CCDC178: variants seen among roughly 807,000 people sequenced by gnomAD.
CCDC178 encodes coiled-coil domain containing 178.
CCDC178 carries 126 observed loss-of-function variants against 117.4 expected under a neutral mutation model. That is an observed-to-expected ratio of 1.07 (90% CI 0.93 to 1.24). The LOEUF is 1.24. Among genes scored for constraint, CCDC178 ranks in the 50% most tolerant of loss-of-function variants. CCDC178 has a pLI of 0.00. For missense variants in CCDC178, 1,030 were observed against 986.9 expected (o/e 1.04, Z -0.59); for synonymous variants, 283 against 313.4 (o/e 0.90, Z 1.02).
At chr18:32,940,344 T>C (rs193108830) in intron 22 of CCDC178, among the ~76,000 whole-genome samples, 112 of 152,174 alleles carry the variant, frequency 7.4e-4, no homozygotes, top group African/African-American at 2.6e-3. Context: ...TATCAACTTT[T>C]CTTTTTTTGC....
intron 21 of CCDC178, among the ~76,000 whole-genome samples, chr18:32,981,159 C>T (rs2055147004): frequency 6.6e-6 from 1 of 152,046 alleles, no homozygotes; most frequent in Non-Finnish European, 1.5e-5. Flanking sequence ...TCTTAAGCAA[C>T]ATAGTTAGAC....
chr18:33,424,594 CAGAA>C (rs2064088725), intron 2 of CCDC178, among the ~76,000 whole-genome samples: 1 of 152,166 alleles, frequency 6.6e-6, no homozygotes, highest in Admixed American at 6.5e-5. Context: ...CTGGCACCCA[CAGAA>C]AGAGACAGAG....
chr18:33,364,650 G>A (rs984462929), intron 6 of CCDC178, among the ~76,000 whole-genome samples: 2 of 151,720 alleles, frequency 1.3e-5, no homozygotes, highest in Non-Finnish European at 2.9e-5. Flanking sequence ...CTAGGTGGGT[G>A]GGGGACAAAA....
At chr18:33,279,685 C>T (rs1358315112) in intron 12 of CCDC178, among the ~76,000 whole-genome samples, 2 of 152,176 alleles carry the variant, frequency 1.3e-5, no homozygotes, top group Non-Finnish European at 1.5e-5. Context: ...AGGCATCATG[C>T]TACCTGACTT....
chr18:33,045,524 A>G (rs1455120456), intron 21 of CCDC178, among the ~76,000 whole-genome samples: 1 of 152,224 alleles, frequency 6.6e-6, no homozygotes, highest in Non-Finnish European at 1.5e-5. Context: ...GATGTATTCA[A>G]TTTTGTCTCT....
At chr18:33,151,809 GAGTT>G (rs1356980721) in intron 20 of CCDC178, among the ~76,000 whole-genome samples, 1 of 152,148 alleles carries the variant, frequency 6.6e-6, no homozygotes, top group Admixed American at 6.5e-5. Context: ...TTAGTGAAGA[GAGTT>G]AGTAAAGGGA....
chr18:33,391,118 A>C (rs1290843194), intron 4 of CCDC178, among the ~76,000 whole-genome samples: 1 of 151,306 alleles, frequency 6.6e-6, no homozygotes, highest in African/African-American at 2.4e-5. Context: ...AAAAGAACCA[A>C]ATATAAAATA....
intron 20 of CCDC178, among the ~76,000 whole-genome samples, chr18:33,158,990 A>C (rs2058432503): frequency 6.6e-6 from 1 of 152,138 alleles, no homozygotes; most frequent in South Asian, 2.1e-4. Flanking sequence ...GGATGAGGAC[A>C]GCCTCGTTGT....
chr18:33,006,393 T>A (rs1291234243), intron 21 of CCDC178, among the ~76,000 whole-genome samples: 4 of 152,092 alleles, frequency 2.6e-5, no homozygotes, highest in Non-Finnish European at 5.9e-5. Context: ...ATTTGATAAT[T>A]TTTTTTCTAA....
At chr18:33,272,985 G>C (rs1437784946) in intron 12 of CCDC178, among the ~76,000 whole-genome samples, 6 of 150,654 alleles carry the variant, frequency 4.0e-5, no homozygotes, top group African/African-American at 1.2e-4. Flanking sequence ...TGGGATATTT[G>C]CTCTTATTGT....
At chr18:33,052,490 T>C (rs2056762867) in intron 21 of CCDC178, among the ~76,000 whole-genome samples, 1 of 152,220 alleles carries the variant, frequency 6.6e-6, no homozygotes, top group African/African-American at 2.4e-5. Flanking sequence ...GAGTCTCTTG[T>C]TATTTCTACA....
intron 6 of CCDC178, among the ~76,000 whole-genome samples, chr18:33,367,887 T>C (rs1308892577): frequency 6.6e-6 from 1 of 152,022 alleles, no homozygotes; most frequent in Admixed American, 6.6e-5. Flanking sequence ...TATTTCATAA[T>C]GAATCTCCTT....
chr18:33,206,596 AT>A (rs1568055559), intron 20 of CCDC178, among the ~76,000 whole-genome samples: 3 of 152,016 alleles, frequency 2.0e-5, no homozygotes, highest in South Asian at 2.1e-4. Context: ...TGTTAAAATA[AT>A]TTTTTTCTAG....
chr18:33,113,401 A>T (rs1317736806), intron 20 of CCDC178, among the ~76,000 whole-genome samples: 3 of 152,054 alleles, frequency 2.0e-5, no homozygotes, highest in Non-Finnish European at 2.9e-5. Flanking sequence ...AAATAATTTT[A>T]GGATAAGCTG....
intron 2 of CCDC178, among the ~76,000 whole-genome samples, chr18:33,436,186 G>T (rs188841468): frequency 6.6e-6 from 1 of 152,134 alleles, no homozygotes; most frequent in African/African-American, 2.4e-5. Context: ...GAAAGGAGTT[G>T]CAACCTGGAG....
chr18:33,419,972 T>G (rs1278196205), intron 2 of CCDC178, among the ~76,000 whole-genome samples: 1 of 152,054 alleles, frequency 6.6e-6, no homozygotes, highest in Non-Finnish European at 1.5e-5. Flanking sequence ...TAAAGTATTC[T>G]ACCATAAAGA....
At chr18:32,948,560 T>A (rs551170286) in intron 22 of CCDC178, among the ~76,000 whole-genome samples, 1 of 152,172 alleles carries the variant, frequency 6.6e-6, no homozygotes, top group South Asian at 2.1e-4. Context: ...TTAATTACAT[T>A]TTCTATATGG....
chr18:33,363,496 T>C (rs982455671), intron 6 of CCDC178, among the ~76,000 whole-genome samples: 2 of 151,936 alleles, frequency 1.3e-5, no homozygotes, highest in Admixed American at 6.6e-5. Context: ...CAGAACTGGG[T>C]TCTAATAAAA....
chr18:33,188,591 G>GA (rs989068627), intron 20 of CCDC178, among the ~76,000 whole-genome samples: 3 of 152,124 alleles, frequency 2.0e-5, no homozygotes, highest in South Asian at 2.1e-4. Flanking sequence ...GTCAGGGCCA[G>GA]AAAAAGGTCT....
Sources: allele counts gnomAD v4.1 joint callset (sites outside exome capture counted in the v4.1 genomes callset), GRCh38; gene constraint gnomAD v4.1.1; transcripts MANE v1.5; gene names NCBI Gene and HGNC (gene_info 2026-07-23, HGNC 2026-07-21).